TRMT11: variants seen among roughly 807,000 people sequenced by gnomAD.
TRMT11 encodes the protein tRNA (guanine(10)-N(2))-methyltransferase TRMT11.
Under a neutral mutation model 62.8 loss-of-function variants are expected in TRMT11, and 53 were observed. That is an observed-to-expected ratio of 0.84 (90% CI 0.68 to 1.06). The LOEUF (loss-of-function observed/expected upper bound fraction) is 1.06. Among genes scored for constraint, TRMT11 ranks in the 50% least tolerant of loss-of-function variants. TRMT11 has a pLI of 0.00. For synonymous variants in TRMT11, 188 were observed against 190.3 expected (o/e 0.99, Z 0.10); for missense variants, 556 against 553.4 (o/e 1.00, Z -0.05).
intron 12 of TRMT11, among the ~76,000 whole-genome samples, chr6:126,034,283 C>G (rs1268188235): frequency 6.6e-6 from 1 of 152,098 alleles, no homozygotes; most frequent in East Asian, 1.9e-4. Flanking sequence ...TTAGATGATA[C>G]TTTTCTGCAA....
intron 17 of TRMT11, among the ~76,000 whole-genome samples, chr6:126,100,033 G>A (rs1258134586): frequency 6.6e-6 from 1 of 152,114 alleles, no homozygotes; most frequent in South Asian, 2.1e-4. Context: ...GCTGCTGGCA[G>A]TTTTTCCCTC....
chr6:126,082,577 T>C (rs1777169782), intron 17 of TRMT11, among the ~76,000 whole-genome samples: 1 of 152,126 alleles, frequency 6.6e-6, no homozygotes, highest in African/African-American at 2.4e-5. Flanking sequence ...TGCTCTAAAA[T>C]GATTTATAAT....
intron 17 of TRMT11, among the ~76,000 whole-genome samples, chr6:126,053,713 C>T (rs796356875): frequency 4.6e-5 from 7 of 152,046 alleles, no homozygotes; most frequent in African/African-American, 1.7e-4. Flanking sequence ...TGTGTCCTCT[C>T]GAGAGCTTCG....
rs1164361852 is a variant in TRMT11 at position 126,161,569 on chromosome 6, T to A, written c.*1824-13256T>A. The stretch of plus-strand genomic sequence containing the variant: ...GTGTGCATGTGTCTTTATATTAGAA[T>A]GATTTATAATCCTTTGGGTATATAC... On this transcript the variant is annotated intron_variant and NMD_transcript_variant, in intron 21 of 22. Transcript: ENST00000648977. Among the ~76,000 whole-genome samples, 4 of 152,364 alleles carry A rather than the reference T, an allele frequency of 2.6e-5. No individual in the cohort carries two copies. In the East Asian group the frequency reaches 7.7e-4, roughly 29 times the overall value.
rs549412341 is a variant in TRMT11 at position 126,085,990 on chromosome 6, CAAACA to C, written c.*1438-26860_*1438-26856del. Among the ~76,000 whole-genome samples the C allele has an allele frequency of 2.3e-3, 350 of 152,070 alleles. 1 individual carries two copies. The highest frequency in any genetic ancestry group is 7.6e-3 in the African/African-American group (315 of 41,504). ...CTTCCTAAAAACAACAAAAATGACA[CAAACA>C]AAACAAAACAAAACACAAAACAAAT... On this transcript the variant is annotated intron_variant and NMD_transcript_variant, in intron 17 of 22. Coordinates refer to the TRMT11 transcript ENST00000648977.
rs138027998 is a variant in TRMT11 at position 126,011,358 on chromosome 6, C to T, written c.866C>T (p.Ser289Leu). 2.7e-5 allele frequency: 43 copies of T among 1,613,050 alleles called. 1 individual carries two copies. Among genetic ancestry groups the T allele is most frequent in the Non-Finnish European group, 3.5e-5 (41 of 1,179,328 alleles). Residue 289 changes from serine to leucine, a missense_variant, in exon 9 of 13, where the codon TCA becomes TTA. Transcript: ENST00000334379. Reference protein sequence around the residue: ...LEKYYLDVLVSDASKPSWRKG... With the variant: ...LEKYYLDVLVLDASKPSWRKG... ...AAGTATTACCTTGATGTCCTGGTTTCAGATGCATCTAAACCTTCCTGGAGG... is the reference window on the plus strand; with the variant it reads ...AAGTATTACCTTGATGTCCTGGTTTTAGATGCATCTAAACCTTCCTGGAGG...
the TRMT11 span, among the ~76,000 whole-genome samples, chr6:126,269,263 CAAAAA>C: frequency 1.7e-4 from 12 of 68,866 alleles, no homozygotes; most frequent in African/African-American, 6.0e-4. Context: ...GACTCCGTCT[CAAAAA>C]AAAAAAAAAA....
chr6:126,036,643 A>G (rs1270146478), intron 12 of TRMT11, among the ~76,000 whole-genome samples: 2 of 152,112 alleles, frequency 1.3e-5, no homozygotes, highest in Admixed American at 1.3e-4. Flanking sequence ...CAGCATCTGG[A>G]CATAGCTTTA....
At chr6:126,254,011 A>T in the TRMT11 span, among the ~76,000 whole-genome samples, 1 of 152,302 alleles carries the variant, frequency 6.6e-6, no homozygotes, top group Non-Finnish European at 1.5e-5. Flanking sequence ...ATTACTTTCT[A>T]ACACTAGAGT....
chr6:126,126,571 T>C (rs529458177), intron 21 of TRMT11, among the ~76,000 whole-genome samples: 1 of 152,256 alleles, frequency 6.6e-6, no homozygotes, highest in Admixed American at 6.5e-5. Context: ...TCTGAACCCA[T>C]GGCTCCATTT....
chr6:126,165,232 G>A (rs1194168075), intron 21 of TRMT11, among the ~76,000 whole-genome samples: 1 of 151,686 alleles, frequency 6.6e-6, no homozygotes, highest in Non-Finnish European at 1.5e-5. Flanking sequence ...GAGCCGAGAT[G>A]GGTGCCACTG....
chr6:126,069,700 A>G (rs1776793727), intron 17 of TRMT11, among the ~76,000 whole-genome samples: 1 of 152,162 alleles, frequency 6.6e-6, no homozygotes, highest in African/African-American at 2.4e-5. Flanking sequence ...TTTTCAGACC[A>G]TGTCATCCGG....
intron 1 of TRMT11, among the ~76,000 whole-genome samples, chr6:126,193,225 G>C (rs1456290280): frequency 1.3e-5 from 2 of 151,848 alleles, no homozygotes; most frequent in Non-Finnish European, 2.9e-5. Context: ...GTTTATTATA[G>C]TCTCTAATGA....
chr6:126,005,010 T>C (rs1490958626), intron 7 of TRMT11, among the ~76,000 whole-genome samples: 1 of 152,088 alleles, frequency 6.6e-6, no homozygotes, highest in African/African-American at 2.4e-5. Context: ...TGTCTCCACT[T>C]TCCCAAAGGG....
chr6:126,220,978 G>A, the TRMT11 span, among the ~76,000 whole-genome samples: 1 of 152,106 alleles, frequency 6.6e-6, no homozygotes, highest in Non-Finnish European at 1.5e-5. Context: ...TGTACTCAAT[G>A]TTTAGCTCCC....
At position 126,090,280 on chromosome 6, in the gene TRMT11, G is replaced by T. The variant is rs143310303; in HGVS notation, c.*1438-22586G>T. ...GGTGCAGGACTGTTTTTTGATCCTT[G>T]TATCCCCAGTGCTGAGCATAGAGTA... On this transcript the variant is annotated intron_variant and NMD_transcript_variant, in intron 17 of 22. Transcript: ENST00000648977. Among the ~76,000 whole-genome samples, 650 of 152,236 alleles carry T rather than the reference G, an allele frequency of 4.3e-3. 2 individuals are homozygous for T. The highest frequency in any genetic ancestry group is 0.014 in the African/African-American group (600 of 41,534).
chr6:126,265,081 T>A, the TRMT11 span, among the ~76,000 whole-genome samples: 1 of 152,176 alleles, frequency 6.6e-6, no homozygotes, highest in Admixed American at 6.5e-5. Context: ...ATTCAATTTG[T>A]TACTGTATAT....
At chr6:126,147,258 C>T (rs889028790) in intron 21 of TRMT11, among the ~76,000 whole-genome samples, 6 of 152,076 alleles carry the variant, frequency 3.9e-5, no homozygotes, top group Non-Finnish European at 7.4e-5. Flanking sequence ...CTCTTTCCCC[C>T]CTTTTATTGG....
intron 1 of TRMT11, among the ~76,000 whole-genome samples, chr6:125,993,195 G>A (rs1050875341): frequency 7.9e-5 from 12 of 151,968 alleles, no homozygotes; most frequent in African/African-American, 2.9e-4. Context: ...TAATTATTTG[G>A]GTTTATCAGT....
Sources: allele counts gnomAD v4.1 joint callset (sites outside exome capture counted in the v4.1 genomes callset), GRCh38; gene constraint gnomAD v4.1.1; transcripts MANE v1.5; gene names NCBI Gene and HGNC (gene_info 2026-07-23, HGNC 2026-07-21).